FAM81B: variants seen among roughly 807,000 people sequenced by gnomAD.
FAM81B encodes the protein family with sequence similarity 81 member B, also known as protein FAM81B.
Under a neutral mutation model 58.7 loss-of-function variants are expected in FAM81B, and 60 were observed. The observed-to-expected ratio is 1.02, with a 90% CI of 0.83 to 1.27. The LOEUF is 1.27. Among genes scored for constraint, FAM81B ranks in the 50% most tolerant of loss-of-function variants. The pLI, the probability that FAM81B is intolerant of heterozygous loss-of-function variation, is 0.00. For missense variants in FAM81B, 491 were observed against 522.0 expected (o/e 0.94, Z 0.58); for synonymous variants, 189 against 179.6 (o/e 1.05, Z -0.42).
intron 3 of FAM81B, among the ~76,000 whole-genome samples, chr5:95,404,211 A>T (rs1038001417): frequency 1.3e-5 from 2 of 152,182 alleles, no homozygotes; most frequent in Non-Finnish European, 2.9e-5. Context: ...AGAGCCTGGC[A>T]TCTTCTTCCC....
intron 5 of FAM81B, among the ~76,000 whole-genome samples, chr5:95,427,304 T>C (rs1194079399): frequency 1.3e-5 from 2 of 152,072 alleles, no homozygotes; most frequent in Non-Finnish European, 2.9e-5. Context: ...ACAATAGAGG[T>C]GCCATTCTGA....
intron 7 of FAM81B, among the ~76,000 whole-genome samples, chr5:95,441,297 G>A (rs6556870): frequency 0.12 from 18,995 of 152,014 alleles, 1,767 homozygotes; most frequent in East Asian, 0.34. Context: ...CTGGCCGGGC[G>A]CGATGGCTCA....
chr5:95,426,617 A>C (rs914335642), intron 5 of FAM81B, among the ~76,000 whole-genome samples: 1 of 152,200 alleles, frequency 6.6e-6, no homozygotes, highest in African/African-American at 2.4e-5. Flanking sequence ...TCCAGGAGAC[A>C]TTATTCGCAT....
At chr5:95,405,813 G>A (rs1213266817) in intron 3 of FAM81B, among the ~76,000 whole-genome samples, 4 of 152,148 alleles carry the variant, frequency 2.6e-5, no homozygotes, top group Non-Finnish European at 5.9e-5. Flanking sequence ...AACTTCTCCT[G>A]TCAGGTCTTC....
intron 3 of FAM81B, among the ~76,000 whole-genome samples, chr5:95,400,317 T>C (rs944636630): frequency 1.3e-5 from 2 of 152,082 alleles, no homozygotes; most frequent in African/African-American, 2.4e-5. Flanking sequence ...CTGGCACTCC[T>C]TGGCTTGTAG....
intron 3 of FAM81B, among the ~76,000 whole-genome samples, chr5:95,400,727 A>G (rs1027353027): frequency 2.0e-5 from 3 of 152,176 alleles, no homozygotes; most frequent in Non-Finnish European, 4.4e-5. Context: ...TATTTCAGGT[A>G]CACATCCTTT....
At chr5:95,419,576 G>A (rs1297551405) in intron 4 of FAM81B, among the ~76,000 whole-genome samples, 5 of 151,986 alleles carry the variant, frequency 3.3e-5, no homozygotes, top group Non-Finnish European at 1.5e-5. Flanking sequence ...AAAAACCATG[G>A]TTCTTGGGAC....
chr5:95,416,403 T>C (rs1399397645), intron 4 of FAM81B, among the ~76,000 whole-genome samples: 3 of 152,214 alleles, frequency 2.0e-5, no homozygotes, highest in South Asian at 2.1e-4. Context: ...GATTCCTTTT[T>C]TTAAGAAGGC....
At chr5:95,394,068 G>A (rs1334728098) in intron 2 of FAM81B, among the ~76,000 whole-genome samples, 2 of 152,004 alleles carry the variant, frequency 1.3e-5, no homozygotes, top group Non-Finnish European at 2.9e-5. Flanking sequence ...AACATCAGTG[G>A]CTTTTGTTCT....
At chr5:95,411,960 T>C (rs1288622449) in intron 3 of FAM81B, among the ~76,000 whole-genome samples, 4 of 152,102 alleles carry the variant, frequency 2.6e-5, no homozygotes. Context: ...GCATAGCAAA[T>C]TGTGAAAAGT....
At chr5:95,404,802 G>A (rs1321680656) in intron 3 of FAM81B, among the ~76,000 whole-genome samples, 6 of 152,160 alleles carry the variant, frequency 3.9e-5, no homozygotes, top group Non-Finnish European at 8.8e-5. Context: ...AGTGATGGAG[G>A]ATAGACAATA....
At chr5:95,430,187 A>T (rs1050446826) in intron 6 of FAM81B, among the ~76,000 whole-genome samples, 2 of 152,230 alleles carry the variant, frequency 1.3e-5, no homozygotes, top group Non-Finnish European at 1.5e-5. Flanking sequence ...CACATAGCTC[A>T]AAAACAAAAC....
At chr5:95,424,746 A>G (rs1449612588) in intron 5 of FAM81B, among the ~76,000 whole-genome samples, 2 of 152,164 alleles carry the variant, frequency 1.3e-5, no homozygotes, top group African/African-American at 4.8e-5. Context: ...TGAGAGAGGC[A>G]GTGAGAGGAA....
At chr5:95,438,017 A>T (rs1272196676) in intron 7 of FAM81B, among the ~76,000 whole-genome samples, 2 of 152,200 alleles carry the variant, frequency 1.3e-5, no homozygotes, top group Non-Finnish European at 2.9e-5. Flanking sequence ...ATGCACCATT[A>T]TAATTTTGTA....
rs780375174 is a variant in FAM81B, at chr5:95,392,869, C to A, written c.200C>A (p.Pro67His). ...CCAGTTGAACCTGATGGCCCCCTTCCTGGCTCAGACAATAACCAAGAAAAG... is the reference window on the plus strand; with the variant it reads ...CCAGTTGAACCTGATGGCCCCCTTCATGGCTCAGACAATAACCAAGAAAAG... ...EQPVEPDGPLPGSDNNQEKKV... is the reference protein window; with the variant it reads ...EQPVEPDGPLHGSDNNQEKKV... The change falls in exon 2 of 10, where the codon CCT (proline) becomes CAT (histidine). Residue 67 changes from proline to histidine, a missense_variant. Coordinates refer to ENST00000283357, the MANE Select transcript of FAM81B (RefSeq NM_152548.3). The A allele has an allele frequency of 3.7e-6, 6 of 1,611,188 alleles. No individual in the cohort carries two copies. In the South Asian group the frequency reaches 5.5e-5, roughly 15 times the overall value.
Position 95,410,125 on chromosome 5 carries a change from C to T in FAM81B, c.294-3822C>T, listed in dbSNP as rs142115979. 4.2e-3 allele frequency among the ~76,000 whole-genome samples: 641 copies of T among 152,218 alleles called. 3 individuals carry two copies. The highest frequency in any genetic ancestry group is 0.012 in the South Asian group (56 of 4,824). ...AAGGCTATCTCGATTTAAAAAAGGACGGGTGGGGACAAACTCAACAGATGC... is the reference window on the plus strand; with the variant it reads ...AAGGCTATCTCGATTTAAAAAAGGATGGGTGGGGACAAACTCAACAGATGC... On this transcript the variant is annotated intron_variant, in intron 3 of 9. Coordinates refer to ENST00000283357, the MANE Select transcript of FAM81B (RefSeq NM_152548.3).
intron 3 of FAM81B, among the ~76,000 whole-genome samples, chr5:95,400,453 C>G (rs1762082877): frequency 6.6e-6 from 1 of 152,014 alleles, no homozygotes; most frequent in South Asian, 2.1e-4. Context: ...CACACACATA[C>G]ATACATACAG....
chr5:95,414,027 T>C lies in FAM81B; in HGVS notation c.374T>C (p.Ile125Thr), dbSNP rs370114367. Residue 125 changes from isoleucine (I) to threonine (T), a missense_variant, in exon 4 of 10, where the codon ATA becomes ACA. Coordinates refer to ENST00000283357, the MANE Select transcript of FAM81B (RefSeq NM_152548.3). ...EDRLNNQART[I>T]AFLLEQAFRI... ...AGACTGAACAACCAGGCGCGTACCA[T>C]AGCTTTCCTTCTTGAACAAGCCTTC... 7.2e-5 allele frequency: 117 copies of C among 1,613,992 alleles called. 1 individual carries two copies. In the Middle Eastern group the frequency reaches 8.2e-4, roughly 11 times the overall value.
intron 6 of FAM81B, among the ~76,000 whole-genome samples, chr5:95,431,295 T>C (rs1488110334): frequency 6.6e-6 from 1 of 152,112 alleles, no homozygotes; most frequent in Non-Finnish European, 1.5e-5. Flanking sequence ...CATGGCTTTG[T>C]TGTTTACACT....
Sources: gnomAD v4.1 joint callset for allele counts (sites outside exome capture counted in the v4.1 genomes callset) on GRCh38, gnomAD v4.1.1 for gene constraint, MANE v1.5 for transcripts, NCBI Gene and HGNC (gene_info 2026-07-23, HGNC 2026-07-21) for gene names.